The following PLPPR1 variants were observed in gnomAD, a reference collection of about 807,000 sequenced individuals.
The protein encoded by PLPPR1 is phospholipid phosphatase related 1, also known as phospholipid phosphatase-related protein type 1.
PLPPR1 carries 10 observed loss-of-function variants against 33.1 expected under a neutral mutation model. That is an observed-to-expected ratio of 0.30 (90% confidence interval 0.19 to 0.51). The LOEUF (loss-of-function observed/expected upper bound fraction) is 0.51, where lower values mean the gene tolerates loss of function less well. Among genes scored for constraint, PLPPR1 ranks in the 20% least tolerant of loss-of-function variants. The pLI, the probability that PLPPR1 is intolerant of heterozygous loss-of-function variation, is 0.97. For missense variants in PLPPR1, 304 were observed against 408.1 expected (o/e 0.74, Z 2.20); for synonymous variants, 151 against 151.0 (o/e 1.00, Z 0.00).
At chr9:101,196,935 C>A (rs923542116) in intron 2 of PLPPR1, among the ~76,000 whole-genome samples, 1 of 151,924 alleles carries the variant, frequency 6.6e-6, no homozygotes, top group Non-Finnish European at 1.5e-5. Context: ...TATGTGAATG[C>A]GGGAGGGAAT....
At chr9:101,219,853 A>G (rs1245345299) in intron 2 of PLPPR1, among the ~76,000 whole-genome samples, 1 of 152,198 alleles carries the variant, frequency 6.6e-6, no homozygotes, top group African/African-American at 2.4e-5. Flanking sequence ...TGAAATTCAC[A>G]GGTAGAATGC....
chr9:101,238,278 TCCTATATACATA>T (rs926750608), intron 2 of PLPPR1, among the ~76,000 whole-genome samples: 1 of 134,264 alleles, frequency 7.4e-6, no homozygotes, highest in Non-Finnish European at 1.6e-5. Context: ...TATATATACA[TCCTATATACATA>T]CCCTATATAT....
At chr9:101,253,031 A>C (rs932359825) in intron 2 of PLPPR1, among the ~76,000 whole-genome samples, 4 of 152,116 alleles carry the variant, frequency 2.6e-5, no homozygotes, top group African/African-American at 9.7e-5. Flanking sequence ...GATAAGTGTG[A>C]TTTTAATATT....
chr9:101,199,698 A>G (rs1826460141), intron 2 of PLPPR1, among the ~76,000 whole-genome samples: 1 of 152,206 alleles, frequency 6.6e-6, no homozygotes, highest in South Asian at 2.1e-4. Flanking sequence ...AATAAGGTAC[A>G]TCTATGCCTG....
chr9:101,275,585 C>T (rs981057421), intron 3 of PLPPR1, among the ~76,000 whole-genome samples: 4 of 152,096 alleles, frequency 2.6e-5, no homozygotes, highest in Non-Finnish European at 5.9e-5. Flanking sequence ...ACCTGGAAAC[C>T]CTGGCTAACT....
intron 1 of PLPPR1, among the ~76,000 whole-genome samples, chr9:101,168,273 A>G (rs75803616): frequency 0.039 from 5,869 of 152,202 alleles, 405 homozygotes; most frequent in African/African-American, 0.13. Flanking sequence ...AACATCCTTA[A>G]CTTGCATTCA....
At chr9:101,037,727 A>G (rs1478887164) in intron 1 of PLPPR1, among the ~76,000 whole-genome samples, 2 of 152,116 alleles carry the variant, frequency 1.3e-5, no homozygotes, top group South Asian at 2.1e-4. Flanking sequence ...CACAGGAACT[A>G]AAAAATAGAA....
chr9:101,093,384 T>G (rs532920698), intron 1 of PLPPR1, among the ~76,000 whole-genome samples: 1 of 152,286 alleles, frequency 6.6e-6, no homozygotes, highest in East Asian at 1.9e-4. Flanking sequence ...ATTTAATATT[T>G]CAGAAAAATT....
In PLPPR1 at chr9:101,061,436, GC is replaced by G. The variant is rs1830346375; in HGVS notation, c.-46+32335del. Among the ~76,000 whole-genome samples the G allele has an allele frequency of 2.0e-5, 3 of 151,876 alleles. No individual in the cohort carries two copies. The South Asian group carries it at 6.2e-4, about 32-fold the overall frequency. The stretch of plus-strand genomic sequence containing the variant: ...CTTTCAGGAATTGAAGATTTTCTCT[GC>G]ATGATACACTTCTGACAGCTGACTA... On this transcript the variant is annotated intron_variant, in intron 1 of 7. Transcript: ENST00000374874.
At chr9:101,229,428 A>G (rs1827138330) in intron 2 of PLPPR1, among the ~76,000 whole-genome samples, 1 of 152,122 alleles carries the variant, frequency 6.6e-6, no homozygotes, top group African/African-American at 2.4e-5. Context: ...TTCCATTTAT[A>G]AAACCAATAC....
chr9:101,264,221 T>C (rs923637927), intron 2 of PLPPR1, among the ~76,000 whole-genome samples: 4 of 152,128 alleles, frequency 2.6e-5, no homozygotes, highest in African/African-American at 7.2e-5. Context: ...GGCTAAGACA[T>C]TGCTTTCATG....
At chr9:101,298,413 G>A (rs1828687274) in intron 4 of PLPPR1, among the ~76,000 whole-genome samples, 1 of 152,182 alleles carries the variant, frequency 6.6e-6, no homozygotes. Context: ...TGTGGTCTAA[G>A]TGAAGCATGA....
At chr9:101,146,574 A>G (rs923015385) in intron 1 of PLPPR1, among the ~76,000 whole-genome samples, 12 of 152,234 alleles carry the variant, frequency 7.9e-5, no homozygotes, top group African/African-American at 2.7e-4. Context: ...GTGAAGTACC[A>G]TTATTGAAAG....
At chr9:101,203,519 A>G (rs563659492) in intron 2 of PLPPR1, among the ~76,000 whole-genome samples, 1 of 152,206 alleles carries the variant, frequency 6.6e-6, no homozygotes, top group African/African-American at 2.4e-5. Flanking sequence ...TAAAATGTAC[A>G]TATTGAACAC....
intron 2 of PLPPR1, among the ~76,000 whole-genome samples, chr9:101,215,853 G>A (rs1247358193): frequency 6.6e-6 from 1 of 151,974 alleles, no homozygotes; most frequent in Non-Finnish European, 1.5e-5. Flanking sequence ...ATATACCATT[G>A]TGTATATATG....
At chr9:101,317,957 T>G (rs1163432894) in intron 7 of PLPPR1, among the ~76,000 whole-genome samples, 2 of 152,230 alleles carry the variant, frequency 1.3e-5, no homozygotes, top group Non-Finnish European at 2.9e-5. Flanking sequence ...CAGTACCTCC[T>G]GATCTGTTAC....
At chr9:101,084,364 G>A (rs1830653275) in intron 1 of PLPPR1, among the ~76,000 whole-genome samples, 1 of 152,196 alleles carries the variant, frequency 6.6e-6, no homozygotes. Context: ...CCCTAAGAGT[G>A]AAAGCAGTGT....
chr9:101,031,039 G>C lies in PLPPR1; in HGVS notation c.-46+1937G>C, dbSNP rs115063219. ...GATTTTAAAGGTATTCAGTAAGATA[G>C]AAATCTGAGTGTTTTATTTTCAAAT... On this transcript the variant is annotated intron_variant, in intron 1 of 7. Transcript: ENST00000374874. Among the ~76,000 whole-genome samples, 1,442 of 152,220 alleles carry C rather than the reference G, an allele frequency of 9.5e-3. 28 individuals carry two copies. The highest frequency in any genetic ancestry group is 0.033 in the African/African-American group (1,374 of 41,532).
At chr9:101,306,824 C>A (rs983131757) in intron 4 of PLPPR1, among the ~76,000 whole-genome samples, 1 of 152,144 alleles carries the variant, frequency 6.6e-6, no homozygotes, top group East Asian at 1.9e-4. Flanking sequence ...ATACTGGAGA[C>A]CAAATGGTGT....
Sources: gnomAD v4.1 joint callset for allele counts (sites outside exome capture counted in the v4.1 genomes callset) on GRCh38, gnomAD v4.1.1 for gene constraint, MANE v1.5 for transcripts, NCBI Gene and HGNC (gene_info 2026-07-23, HGNC 2026-07-21) for gene names.